Variants in DEUP1 observed in about 807,000 individuals in gnomAD.
The protein encoded by DEUP1 is coiled-coil domain containing 67.
DEUP1 carries 82 observed loss-of-function variants against 87.4 expected under a neutral mutation model. The ratio of observed to expected loss-of-function variants is 0.94; its 90% CI spans 0.78 to 1.13. The LOEUF (loss-of-function observed/expected upper bound fraction) is 1.13. Among genes scored for constraint, DEUP1 ranks in the 50% most tolerant of loss-of-function variants. DEUP1 has a pLI of 0.00. For synonymous variants in DEUP1, 214 were observed against 222.7 expected (o/e 0.96, Z 0.35); for missense variants, 663 against 681.5 (o/e 0.97, Z 0.30).
At chr11:93,386,920 T>C (rs1946587048) in intron 8 of DEUP1, among the ~76,000 whole-genome samples, 1 of 152,202 alleles carries the variant, frequency 6.6e-6, no homozygotes, top group Non-Finnish European at 1.5e-5. Flanking sequence ...AAGAGCATTG[T>C]AGGTACTTTT....
intron 2 of DEUP1, among the ~76,000 whole-genome samples, chr11:93,341,824 A>C (rs971641410): frequency 2.6e-5 from 4 of 152,206 alleles, no homozygotes; most frequent in Non-Finnish European, 5.9e-5. Context: ...TAGAGGCCAG[A>C]AGCCCAAAAT....
chr11:93,437,759 G>T lies in DEUP1; in HGVS notation c.*40G>T, dbSNP rs2605584. ...TTATTTGCTTCCCCCCCCCACCCCCGCCAAGAAAAAAAGCTCTGGCAAAAT... is the reference window on the plus strand; with the variant it reads ...TTATTTGCTTCCCCCCCCCACCCCCTCCAAGAAAAAAAGCTCTGGCAAAAT... On this transcript the variant is annotated 3_prime_UTR_variant, in exon 14 of 14. Transcript: ENST00000298050. The T allele has an allele frequency of 1.0e-6, 1 of 985,114 alleles. No homozygotes were observed. The highest frequency in any genetic ancestry group is 1.5e-6 in the Non-Finnish European group (1 of 669,268). The allele number at this position is 985,114 out of a possible 1,614,324, so 61.0% of individuals were successfully genotyped here. A position where few individuals can be genotyped will look rare whatever the true frequency, so the allele number is the denominator to read the frequency against.
At chr11:93,413,251 T>G (rs537352986) in intron 12 of DEUP1, among the ~76,000 whole-genome samples, 1 of 151,152 alleles carries the variant, frequency 6.6e-6, no homozygotes, top group Non-Finnish European at 1.5e-5. Flanking sequence ...ATTTTTTTTT[T>G]TTTTTTTTGA....
intron 2 of DEUP1, among the ~76,000 whole-genome samples, chr11:93,345,070 T>C (rs1231793724): frequency 6.6e-6 from 1 of 152,164 alleles, no homozygotes; most frequent in East Asian, 1.9e-4. Context: ...CCATGTGTTC[T>C]CATCATTCAG....
intron 7 of DEUP1, among the ~76,000 whole-genome samples, chr11:93,384,900 TA>T (rs199809386): frequency 0.011 from 1,643 of 152,244 alleles, 26 homozygotes; most frequent in African/African-American, 0.037. Flanking sequence ...GAGCACCTAA[TA>T]AAAACTCAGT....
chr11:93,364,351 T>C, intron 5 of DEUP1, 57 bp downstream of exon 5: 1 of 1,493,230 alleles, frequency 6.7e-7, no homozygotes, highest in Non-Finnish European at 9.3e-7. Context: ...CCTATTGTTG[T>C]GGGCTATTTG....
intron 11 of DEUP1, among the ~76,000 whole-genome samples, chr11:93,403,624 A>G (rs1947186333): frequency 6.6e-6 from 1 of 151,814 alleles, no homozygotes; most frequent in Non-Finnish European, 1.5e-5. Context: ...GCATTTAAAA[A>G]TATTGGCTTT....
At chr11:93,332,105 C>A in intron 1 of DEUP1, 111 bp from the exon 2 acceptor site, 2 of 598,614 alleles carry the variant, frequency 3.3e-6, no homozygotes, top group Non-Finnish European at 5.9e-6. Flanking sequence ...TCAAGAGCTA[C>A]TACACAGAAA....
chr11:93,432,473 T>C (rs1314039018), intron 13 of DEUP1, among the ~76,000 whole-genome samples: 1 of 152,232 alleles, frequency 6.6e-6, no homozygotes, highest in Admixed American at 6.5e-5. Flanking sequence ...GACCACATGA[T>C]ATTTATGGTC....
At chr11:93,367,541 C>A (rs937729026) in intron 5 of DEUP1, among the ~76,000 whole-genome samples, 2 of 152,160 alleles carry the variant, frequency 1.3e-5, no homozygotes, top group African/African-American at 4.8e-5. Context: ...TTGTACTTAA[C>A]ATACTGACAT....
intron 13 of DEUP1, among the ~76,000 whole-genome samples, chr11:93,428,430 C>G (rs1349125277): frequency 6.7e-6 from 1 of 148,884 alleles, no homozygotes; most frequent in Admixed American, 6.7e-5. Flanking sequence ...GAACATCACA[C>G]TCTGGAGACT....
chr11:93,359,396 T>C (rs1418455885), intron 4 of DEUP1, among the ~76,000 whole-genome samples: 1 of 152,186 alleles, frequency 6.6e-6, no homozygotes, highest in Non-Finnish European at 1.5e-5. Context: ...TTCAAGTACA[T>C]AAATTTGAGG....
In DEUP1 at chr11:93,437,755, C is replaced by A. The variant is rs769688147; in HGVS notation, c.*36C>A. On this transcript the variant is annotated 3_prime_UTR_variant, in exon 14 of 14. Transcript: ENST00000298050. ...TTTTTTATTTGCTTCCCCCCCCCAC[C>A]CCCGCCAAGAAAAAAAGCTCTGGCA... The A allele has an allele frequency of 1.1e-5, 11 of 1,012,578 alleles. No homozygotes were observed. The highest frequency in any genetic ancestry group is 3.0e-5 in the South Asian group (2 of 65,818). 62.7% of individuals were successfully genotyped at this position (1,012,578 alleles called of 1,614,324 possible).
At chr11:93,391,939 C>T (rs1591211485) in intron 9 of DEUP1, among the ~76,000 whole-genome samples, 2 of 151,996 alleles carry the variant, frequency 1.3e-5, no homozygotes, top group Admixed American at 6.6e-5. Context: ...GCCTTGTTCT[C>T]GTTCCTGTGA....
chr11:93,437,398 A>G, intron 13 of DEUP1, 145 bp from the exon 14 acceptor site: 1 of 603,552 alleles, frequency 1.7e-6, no homozygotes, highest in Non-Finnish European at 2.9e-6. Context: ...GAATTACACT[A>G]GTAGTGGGAA....
chr11:93,408,142 C>A, intron 11 of DEUP1, 89 bp from the exon 12 acceptor site: 1 of 940,368 alleles, frequency 1.1e-6, no homozygotes, highest in Non-Finnish European at 1.5e-6. Context: ...AATGAAAGGG[C>A]CTTTCCAGCA....
rs970602441 is a variant in DEUP1, at chr11:93,438,034, T to C, written c.*315T>C. The C allele has an allele frequency of 1.4e-5, 3 of 208,660 alleles. No individual in the cohort carries two copies. Among genetic ancestry groups the C allele is most frequent in the Admixed American group, 5.9e-5 (1 of 16,882 alleles). The allele number at this position is 208,660 out of a possible 1,614,324, so 12.9% of individuals were successfully genotyped here. ...CAGTTTTTTTTCCCCACTTGAATCA[T>C]GTATACTGAAAACCCATTTCCTCAG... is the stretch of plus-strand genomic sequence containing the variant. On this transcript the variant is annotated 3_prime_UTR_variant, in exon 14 of 14. Transcript: ENST00000298050.
intron 10 of DEUP1, among the ~76,000 whole-genome samples, chr11:93,395,523 AGGC>A (rs1946915885): frequency 6.6e-6 from 1 of 152,210 alleles, no homozygotes; most frequent in African/African-American, 2.4e-5. Flanking sequence ...GTACCTGTAT[AGGC>A]AGGGATATTT....
chr11:93,420,322 T>C (rs1827386306), intron 13 of DEUP1, among the ~76,000 whole-genome samples: 1 of 152,158 alleles, frequency 6.6e-6, no homozygotes, highest in Non-Finnish European at 1.5e-5. Flanking sequence ...ACCACATGAT[T>C]ATCTCAATAG....
Sources: allele counts gnomAD v4.1 joint callset (sites outside exome capture counted in the v4.1 genomes callset), GRCh38; gene constraint gnomAD v4.1.1; transcripts MANE v1.5; gene names NCBI Gene and HGNC (gene_info 2026-07-23, HGNC 2026-07-21).